TRRAP: variants seen among roughly 807,000 people sequenced by gnomAD.
TRRAP encodes transformation/transcription domain-associated protein.
A neutral mutation model predicts 438.8 loss-of-function variants in TRRAP; 41 were observed. That is an observed-to-expected ratio of 0.09 (90% CI 0.07 to 0.12). TRRAP has a LOEUF of 0.12. TRRAP is among the 10% of genes least tolerant of loss of function. The pLI, the probability that TRRAP is intolerant of heterozygous loss-of-function variation, is 1.00. For missense variants in TRRAP, 3,122 were observed against 5,055.1 expected, an observed-to-expected ratio of 0.62 and a Z score of 11.60; for synonymous variants, 1,994 against 1,962.9, an observed-to-expected ratio of 1.02 and a Z score of -0.42.
intron 67 of TRRAP, 46 bp from the exon 68 acceptor site, chr7:99,004,144 T>G: frequency 6.4e-7 from 1 of 1,564,792 alleles, no homozygotes; most frequent in Non-Finnish European, 8.7e-7. Context: ...GTGTTAGAAC[T>G]GGCCCAGATG....
At chr7:98,954,197 G>A (rs1009773303) in intron 40 of TRRAP, among the ~76,000 whole-genome samples, 6 of 152,236 alleles carry the variant, frequency 3.9e-5, no homozygotes, top group East Asian at 3.9e-4. Context: ...GGTATTGAGC[G>A]CTTCTTCCTG....
Position 98,893,809 on chromosome 7 carries a change from A to G in TRRAP, c.378A>G (p.Glu126=), listed in dbSNP as rs1796080015. The change falls in exon 6 of 73, where the codon GAA becomes GAG. Residue 126 remains glutamate (E), a synonymous_variant. Coordinates refer to ENST00000456197, the MANE Select transcript of TRRAP (RefSeq NM_001375524.1). ...ATGCTTTTTTTTAGACGGAAAATGA[A>G]GAAAATGTTCTTATTTGTCTAAGAA... ...VMFRFLETEN[E]ENVLICLRII... 3 of 1,613,320 alleles carry G rather than the reference A, an allele frequency of 1.9e-6. No homozygotes were observed. Among genetic ancestry groups the G allele is most frequent in the Non-Finnish European group, 1.7e-6 (2 of 1,179,726 alleles).
chr7:98,879,267 T>TC (rs1348643966), intron 1 of TRRAP, among the ~76,000 whole-genome samples: 1 of 151,786 alleles, frequency 6.6e-6, no homozygotes. Flanking sequence ...TGGGGGCGTT[T>TC]CCCCCCGGCC....
At position 98,899,757 on chromosome 7, in the gene TRRAP, G is replaced by C; in HGVS notation, c.790G>C (p.Ala264Pro). 1 of 1,614,090 alleles carries C rather than the reference G, an allele frequency of 6.2e-7. No homozygotes were observed. Among genetic ancestry groups the C allele is most frequent in the African/African-American group, 1.3e-5 (1 of 75,036 alleles). Reference sequence around the variant, plus strand: ...GAACACCATTGCCATTCAGGTGTCTGCACAAGCGAGGTGAGGCGTCACTGT... The same window carrying C: ...GAACACCATTGCCATTCAGGTGTCTCCACAAGCGAGGTGAGGCGTCACTGT... The part of the protein sequence containing the change: ...IMNTIAIQVS[A>P]QARQHKLYNK... The change falls in exon 10 of 73, where the codon GCA becomes CCA. Residue 264 changes from alanine (A) to proline (P), a missense_variant. Physicochemically the swap from Ala to Pro is conservative, Grantham distance 27. Coordinates refer to ENST00000456197, the MANE Select transcript of TRRAP (RefSeq NM_001375524.1).
chr7:98,903,511 A>C lies in TRRAP; in HGVS notation c.1030A>C (p.Arg344=), dbSNP rs782245590. The change falls in exon 12 of 73, where the codon AGA becomes CGA. Residue 344 remains arginine, a synonymous_variant. Coordinates refer to ENST00000456197, the MANE Select transcript of TRRAP (RefSeq NM_001375524.1). ...CAAACACATCCTCACCACAGAGCTG[A>C]GAAACCGTACGTCCAGCCTGTCTTG... ...AAKHILTTEL[R]NQFIPCMDKL... 1.2e-6 allele frequency: 2 copies of C among 1,614,146 alleles called. No homozygotes were observed. Among genetic ancestry groups the C allele is most frequent in the Admixed American group, 3.3e-5 (2 of 60,016 alleles).
chr7:98,929,281 T>G (rs782104635), intron 23 of TRRAP, among the ~76,000 whole-genome samples: 3 of 152,134 alleles, frequency 2.0e-5, no homozygotes, highest in Non-Finnish European at 2.9e-5. Flanking sequence ...TGGAGATGCA[T>G]CTCATTATGT....
intron 45 of TRRAP, 44 bp downstream of exon 45, chr7:98,959,534 C>T: frequency 6.3e-7 from 1 of 1,592,198 alleles, no homozygotes; most frequent in South Asian, 1.1e-5. Context: ...CCACCGAGGC[C>T]ACTAGCAGAT....
intron 11 of TRRAP, 106 bp from the exon 12 acceptor site, chr7:98,903,273 C>A: frequency 7.0e-7 from 1 of 1,432,872 alleles, no homozygotes; most frequent in Admixed American, 1.9e-5. Flanking sequence ...CCACCCACCT[C>A]GGCCTCCCAA....
intron 62 of TRRAP, 46 bp downstream of exon 62, chr7:98,985,090 T>G (rs1793094068): frequency 7.7e-7 from 1 of 1,302,722 alleles, no homozygotes; most frequent in Non-Finnish European, 1.1e-6. Flanking sequence ...TGCATCAGAT[T>G]ATTTAAAGTT....
At chr7:98,913,349 G>A (rs1429540912) in intron 18 of TRRAP, among the ~76,000 whole-genome samples, 1 of 151,986 alleles carries the variant, frequency 6.6e-6, no homozygotes, top group Middle Eastern at 3.4e-3. Flanking sequence ...GAGTGCAGTG[G>A]AGTGATCTTG....
chr7:98,956,471 C>A lies in TRRAP; in HGVS notation c.6169C>A (p.Leu2057Met). Residue 2057 changes from leucine (L) to methionine (M), a missense_variant, in exon 43 of 73, where the codon CTG (leucine) becomes ATG (methionine). Around this residue, in one of 24 missense-constraint regions of TRRAP, gnomAD observed 992 missense variants for 1,281.2 expected, o/e 0.77. Coordinates refer to ENST00000456197, the MANE Select transcript of TRRAP (RefSeq NM_001375524.1). The surrounding 1 kb of genome is among the most constrained non-coding windows in gnomAD (Gnocchi z 4.5). ...NSVSSSIKRG[L>M]SVDSAQEVKR... ...TGTCTCATCCTCCATTAAGAGAGGC[C>A]TGTCCGTGGATTCTGCCCAGGAAGT... 3 of 1,614,242 alleles carry A rather than the reference C, an allele frequency of 1.9e-6. No homozygotes were observed.
At chr7:98,981,635 A>AG (rs1792924245) in intron 58 of TRRAP, 134 bp from the exon 59 acceptor site, 1 of 860,022 alleles carries the variant, frequency 1.2e-6, no homozygotes, top group South Asian at 1.9e-5. Flanking sequence ...AAGAAAATAC[A>AG]TTTCTATAGC....
Position 98,945,820 on chromosome 7 carries a change from A to G in TRRAP, c.4527+20A>G. The G allele has an allele frequency of 6.3e-7, 1 of 1,596,556 alleles. No homozygotes were observed. Among genetic ancestry groups the G allele is most frequent in the Non-Finnish European group, 8.5e-7 (1 of 1,179,214 alleles). On this transcript the variant is annotated intron_variant, in intron 32 of 72. Transcript: ENST00000456197. ...TTTGAGGTGAGAACAACCTATTAAC[A>G]GTCAGTTTCTGACTTGCAATGTGAA...
chr7:98,942,881 C>A, intron 30 of TRRAP, 68 bp from the exon 31 acceptor site: 2 of 1,542,314 alleles, frequency 1.3e-6, no homozygotes, highest in Non-Finnish European at 1.8e-6. Context: ...TGAATGATTA[C>A]ATAGTAGTTT....
At position 98,930,089 on chromosome 7, in the gene TRRAP, C is replaced by G. The variant is rs1455744785; in HGVS notation, c.3276C>G (p.Leu1092=). Residue 1092 remains leucine (L), a synonymous_variant, in exon 24 of 73, where the codon CTC becomes CTG. Coordinates refer to ENST00000456197, the MANE Select transcript of TRRAP (RefSeq NM_001375524.1). ...CGAAAGGAATGGATCCTTTGGTTCT[C>G]ATTGATGCAATTGCTATTTGTATGG... is the stretch of plus-strand genomic sequence containing the variant. ...NGSKGMDPLV[L]IDAIAICMAY... 3 of 1,614,010 alleles carry G rather than the reference C, an allele frequency of 1.9e-6. No homozygotes were observed. Among genetic ancestry groups the G allele is most frequent in the African/African-American group, 2.7e-5 (2 of 74,888 alleles).
intron 60 of TRRAP, among the ~76,000 whole-genome samples, chr7:98,983,711 C>T (rs1158555403): frequency 1.3e-5 from 2 of 151,972 alleles, no homozygotes; most frequent in South Asian, 2.1e-4. Context: ...TCGTACAGGC[C>T]GGGGGGATCA....
chr7:98,894,783 GTTTTTTTT>G (rs56407045), intron 6 of TRRAP, among the ~76,000 whole-genome samples: 1 of 87,418 alleles, frequency 1.1e-5, no homozygotes, highest in African/African-American at 4.7e-5. Context: ...CCAGCTAATG[GTTTTTTTT>G]TTTTTTTTTT....
Position 98,984,897 on chromosome 7 carries a change from G to A in TRRAP, c.9289-47G>A, listed in dbSNP as rs111965982. 4.0e-4 allele frequency: 515 copies of A among 1,284,784 alleles called. 3 individuals carry two copies. In the African/African-American group the frequency reaches 6.4e-3, roughly 16 times the overall value. The allele number at this position is 1,284,784 out of a possible 1,614,324, so 79.6% of individuals were successfully genotyped here. On this transcript the variant is annotated intron_variant, in intron 61 of 72. Transcript: ENST00000456197. Reference sequence around the variant, plus strand: ...TAGTATTTTATGAGGTTTTCATATTGTTTAGAAATTTCAAGAACTTTTTTT... The same window carrying A: ...TAGTATTTTATGAGGTTTTCATATTATTTAGAAATTTCAAGAACTTTTTTT...
intron 31 of TRRAP, among the ~76,000 whole-genome samples, chr7:98,943,965 G>C (rs1790919946): frequency 6.6e-6 from 1 of 152,118 alleles, no homozygotes; most frequent in Non-Finnish European, 1.5e-5. Flanking sequence ...AAGGTGTTTT[G>C]TTTATGTAAG....
Sources: allele counts gnomAD v4.1 joint callset (sites outside exome capture counted in the v4.1 genomes callset), GRCh38; gene constraint gnomAD v4.1.1; regional missense constraint gnomAD v4.1.1; non-coding constraint Gnocchi (gnomAD v3.1); transcripts MANE v1.5; gene names NCBI Gene and HGNC (gene_info 2026-07-23, HGNC 2026-07-21).